RUNX2: variants seen among roughly 807,000 people sequenced by gnomAD.
RUNX2 encodes runt-related transcription factor 2.
A neutral mutation model predicts 51.7 loss-of-function variants in RUNX2; 10 were observed. The ratio of observed to expected loss-of-function variants is 0.19; its 90% CI spans 0.12 to 0.33. The LOEUF (loss-of-function observed/expected upper bound fraction) is 0.33. Ranked by LOEUF, RUNX2 falls within the 10% of genes least tolerant of loss-of-function variation. The pLI is 1.00. For synonymous variants in RUNX2, 276 were observed against 273.6 expected, an observed-to-expected ratio of 1.01 and a Z score of -0.09; for missense variants, 562 against 691.3, an observed-to-expected ratio of 0.81 and a Z score of 2.10.
At chr6:45,510,191 C>T (rs148693856) in intron 6 of RUNX2, among the ~76,000 whole-genome samples, 141 of 152,286 alleles carry the variant, frequency 9.3e-4, no homozygotes, top group African/African-American at 3.2e-3. Flanking sequence ...TCTACAATCT[C>T]GGCCTTGAGA....
chr6:45,460,297 C>T (rs1799435947), intron 5 of RUNX2, among the ~76,000 whole-genome samples: 1 of 152,152 alleles, frequency 6.6e-6, no homozygotes, highest in African/African-American at 2.4e-5. Flanking sequence ...ATGTGGTATT[C>T]AGGCAGCAAA....
At chr6:45,407,543 G>A (rs1797863739) in intron 2 of RUNX2, among the ~76,000 whole-genome samples, 1 of 152,200 alleles carries the variant, frequency 6.6e-6, no homozygotes, top group Admixed American at 6.5e-5. Context: ...CCAGGCTGGA[G>A]TGCAGTAGTG....
intron 5 of RUNX2, among the ~76,000 whole-genome samples, chr6:45,440,700 T>C (rs1798819397): frequency 6.6e-6 from 1 of 152,200 alleles, no homozygotes; most frequent in Non-Finnish European, 1.5e-5. Context: ...TGAGATACCT[T>C]GGTGATGAGA....
Position 45,515,511 on chromosome 6 carries a change from T to C in RUNX2, c.1021+3104T>C, listed in dbSNP as rs960616092. Among the ~76,000 whole-genome samples, 3 of 152,196 alleles carry C rather than the reference T, an allele frequency of 2.0e-5. 1 individual carries two copies. Among genetic ancestry groups the C allele is most frequent in the South Asian group, 4.1e-4 (2 of 4,826 alleles). On this transcript the variant is annotated intron_variant, in intron 7 of 8. Coordinates refer to ENST00000647337, the MANE Select transcript of RUNX2 (RefSeq NM_001024630.4). ...TCCATATGTAATTTACAGGCAAGTC[T>C]TGTTAAGTGAGTCAAATTAGATTAG...
chr6:45,404,276 A>AG lies in RUNX2; in HGVS notation c.59-18317_59-18316insG, dbSNP rs1455252084. ...CTCTGTCTCAAAAAAAAAAAAAAAGAAAAAGAAAAAAGAAAAAAAAAAGGA... is the reference window on the plus strand; with the variant it reads ...CTCTGTCTCAAAAAAAAAAAAAAAGAGAAAAGAAAAAAGAAAAAAAAAAGGA... On this transcript the variant is annotated intron_variant, in intron 2 of 8. Coordinates refer to ENST00000647337, the MANE Select transcript of RUNX2 (RefSeq NM_001024630.4). 3.1e-5 allele frequency among the ~76,000 whole-genome samples: 3 copies of AG among 95,352 alleles called. 1 individual carries two copies. The highest frequency in any genetic ancestry group is 1.1e-4 in the African/African-American group (3 of 28,194). 62.6% of individuals were successfully genotyped at this position (95,352 alleles called of 152,430 possible). A position where few individuals can be genotyped will look rare whatever the true frequency, so the allele number is the denominator to read the frequency against.
At position 45,422,765 on chromosome 6, in the gene RUNX2, TGCG is replaced by T. The variant is rs750984370; in HGVS notation, c.246_248del (p.Ala89del). The T allele has an allele frequency of 1.2e-3, 1,522 of 1,314,666 alleles. No homozygotes were observed. Among genetic ancestry groups the T allele is most frequent in the South Asian group, 5.4e-3 (364 of 67,776 alleles). 81.4% of individuals were successfully genotyped at this position (1,314,666 alleles called of 1,614,324 possible). ...AGCAGCAGGAGGCGGCGGCGGCGGC[TGCG>T]GCGGCGGCGGCGGCTGCGGCGGCGG... On this transcript the variant is annotated inframe_deletion, in exon 3 of 9. Coordinates refer to ENST00000647337, the MANE Select transcript of RUNX2 (RefSeq NM_001024630.4).
chr6:45,392,115 A>T (rs747410076), intron 2 of RUNX2, among the ~76,000 whole-genome samples: 4 of 152,076 alleles, frequency 2.6e-5, no homozygotes, highest in Non-Finnish European at 1.5e-5. Context: ...GCTCTGGGGA[A>T]CTCAGAATTA....
chr6:45,457,554 G>T (rs1799350607), intron 5 of RUNX2, among the ~76,000 whole-genome samples: 1 of 152,180 alleles, frequency 6.6e-6, no homozygotes, highest in South Asian at 2.1e-4. Context: ...CAGTTCATAA[G>T]TATATCTGGA....
In RUNX2 at chr6:45,422,921, C is replaced by T. The variant is rs181096602; in HGVS notation, c.387C>T (p.His129=). Residue 129 remains histidine (H), a synonymous_variant, in exon 3 of 9, where the codon CAC becomes CAT. Coordinates refer to ENST00000647337, the MANE Select transcript of RUNX2 (RefSeq NM_001024630.4). The part of the protein sequence containing the change: ...PNFLCSVLPS[H]WRCNKTLPVA... Reference sequence around the variant, plus strand: ...TCCTGTGCTCGGTGCTGCCCTCGCACTGGCGCTGCAACAAGACCCTGCCCG... The same window carrying T: ...TCCTGTGCTCGGTGCTGCCCTCGCATTGGCGCTGCAACAAGACCCTGCCCG... The T allele has an allele frequency of 2.5e-6, 4 of 1,612,556 alleles. No homozygotes were observed. The highest frequency in any genetic ancestry group is 2.2e-5 in the East Asian group (1 of 44,788).
intron 3 of RUNX2, among the ~76,000 whole-genome samples, chr6:45,430,997 T>C (rs1487085133): frequency 6.6e-6 from 1 of 152,222 alleles, no homozygotes; most frequent in African/African-American, 2.4e-5. Context: ...CACATTTGCA[T>C]GTTAGCTGAC....
intron 6 of RUNX2, among the ~76,000 whole-genome samples, chr6:45,509,302 T>C (rs1016427134): frequency 1.3e-5 from 2 of 152,132 alleles, no homozygotes; most frequent in African/African-American, 2.4e-5. Context: ...AAAATGAGAG[T>C]ATTTATTATT....
chr6:45,414,255 A>G (rs913843719), intron 2 of RUNX2, among the ~76,000 whole-genome samples: 1 of 152,178 alleles, frequency 6.6e-6, no homozygotes, highest in Non-Finnish European at 1.5e-5. Flanking sequence ...AATGTGCACA[A>G]AAGTGGGAAT....
At chr6:45,351,602 CT>C (rs1792068808) in intron 2 of RUNX2, among the ~76,000 whole-genome samples, 1 of 152,156 alleles carries the variant, frequency 6.6e-6, no homozygotes, top group South Asian at 2.1e-4. Context: ...TCCTCCAGCT[CT>C]CTTAATTACT....
intron 2 of RUNX2, among the ~76,000 whole-genome samples, chr6:45,352,308 T>C (rs887668841): frequency 3.9e-5 from 6 of 152,152 alleles, no homozygotes; most frequent in Admixed American, 1.3e-4. Context: ...AAAACTGATA[T>C]TATGTTTATG....
chr6:45,473,007 G>A (rs149975669), intron 5 of RUNX2, among the ~76,000 whole-genome samples: 54 of 152,278 alleles, frequency 3.5e-4, no homozygotes, highest in African/African-American at 1.3e-3. Context: ...AGATTCAGGG[G>A]CAACCTGGTG....
intron 3 of RUNX2, 56 bp downstream of exon 3, chr6:45,423,013 G>C (rs1308230877): frequency 6.3e-7 from 1 of 1,587,006 alleles, no homozygotes; most frequent in Non-Finnish European, 8.5e-7. Flanking sequence ...CCTGCCCGCC[G>C]GTGTCTTCCT....
intron 5 of RUNX2, among the ~76,000 whole-genome samples, chr6:45,443,863 GT>G (rs1434803345): frequency 1.3e-5 from 2 of 151,816 alleles, no homozygotes; most frequent in African/African-American, 2.4e-5. Context: ...AAGATTAGAG[GT>G]TTTTTTTCAA....
At chr6:45,456,774 A>T (rs1563095000) in intron 5 of RUNX2, among the ~76,000 whole-genome samples, 1 of 152,220 alleles carries the variant, frequency 6.6e-6, no homozygotes, top group Non-Finnish European at 1.5e-5. Context: ...TTTGCATAGC[A>T]TACAAAGTTT....
chr6:45,359,689 T>C (rs1341899348), intron 2 of RUNX2, among the ~76,000 whole-genome samples: 3 of 152,218 alleles, frequency 2.0e-5, no homozygotes, highest in Admixed American at 1.3e-4. Flanking sequence ...GTTACTGATA[T>C]GCCCTTGCTG....
Sources: gnomAD v4.1 joint callset for allele counts (sites outside exome capture counted in the v4.1 genomes callset) on GRCh38, gnomAD v4.1.1 for gene constraint, MANE v1.5 for transcripts, NCBI Gene and HGNC (gene_info 2026-07-23, HGNC 2026-07-21) for gene names.